Variants in PCDH15 observed in about 807,000 individuals in gnomAD.
PCDH15 encodes protocadherin-15.
In PCDH15, 129 loss-of-function variants were observed where a neutral mutation model predicts 178.5. That is an observed-to-expected ratio of 0.72 (90% CI 0.63 to 0.84). PCDH15 has a LOEUF of 0.84. Ranked by LOEUF, PCDH15 falls within the 40% of genes least tolerant of loss-of-function variation. The pLI is 0.00. For missense variants in PCDH15, 2,230 were observed against 2,099.9 expected, an observed-to-expected ratio of 1.06 and a Z score of -1.21; for synonymous variants, 800 against 732.0, an observed-to-expected ratio of 1.09 and a Z score of -1.50.
intron 2 of PCDH15, among the ~76,000 whole-genome samples, chr10:54,627,472 C>T (rs981402249): frequency 6.6e-6 from 1 of 152,148 alleles, no homozygotes; most frequent in Non-Finnish European, 1.5e-5. Flanking sequence ...TTTGCCTGCA[C>T]AAACTCTCTC....
chr10:55,334,009 A>G (rs1432392992), intron 2 of PCDH15, among the ~76,000 whole-genome samples: 2 of 151,528 alleles, frequency 1.3e-5, no homozygotes, highest in African/African-American at 2.4e-5. Context: ...TACATTTTTC[A>G]TACTTTAAAA....
chr10:54,944,714 T>C (rs1293786359), intron 2 of PCDH15, among the ~76,000 whole-genome samples: 1 of 151,930 alleles, frequency 6.6e-6, no homozygotes, highest in Admixed American at 6.6e-5. Flanking sequence ...TTTTATACCA[T>C]CAGGTAAGTA....
Position 55,212,803 on chromosome 10 carries a change from T to G in PCDH15, c.-155-46152A>C, listed in dbSNP as rs1840603345. 2.0e-5 allele frequency among the ~76,000 whole-genome samples: 3 copies of G among 152,084 alleles called. No homozygotes were observed. In the South Asian group the frequency reaches 6.2e-4, roughly 32 times the overall value. ...AATCATAGGCGGGTCTCTACCACAA[T>G]GTACCATCTGAATGTCAGCATTGGC... On this transcript the variant is annotated intron_variant, in intron 1 of 5. Coordinates refer to the PCDH15 transcript ENST00000458638.
chr10:54,265,240 C>T (rs1271943189), intron 8 of PCDH15, among the ~76,000 whole-genome samples: 1 of 152,062 alleles, frequency 6.6e-6, no homozygotes, highest in Non-Finnish European at 1.5e-5. Flanking sequence ...ACCAGACTAG[C>T]CCTGCAGAAA....
intron 17 of PCDH15, among the ~76,000 whole-genome samples, chr10:54,076,785 C>T (rs2094349640): frequency 6.6e-6 from 1 of 152,008 alleles, no homozygotes. Context: ...CTCCATCATC[C>T]CCATTTTGAG....
chr10:53,949,682 C>T (rs1372388926), intron 23 of PCDH15, among the ~76,000 whole-genome samples: 1 of 151,968 alleles, frequency 6.6e-6, no homozygotes, highest in Non-Finnish European at 1.5e-5. Flanking sequence ...TATGACCGAG[C>T]CATTGCACCA....
Position 55,454,465 on chromosome 10 carries a change from A to G in PCDH15, c.-156+173160T>C, listed in dbSNP as rs184817423. On this transcript the variant is annotated intron_variant, in intron 2 of 5. Coordinates refer to the PCDH15 transcript ENST00000613346. ...GTAATTGCCTTTTTGAGTTGTTAGT[A>G]ATATTTCTATCTTAGAAGTTTAGCT... Among the ~76,000 whole-genome samples, 41 of 152,142 alleles carry G rather than the reference A, an allele frequency of 2.7e-4. 1 individual carries two copies. The highest frequency in any genetic ancestry group is 9.6e-4 in the African/African-American group (40 of 41,512).
At chr10:55,381,723 G>A (rs943071164) in intron 2 of PCDH15, among the ~76,000 whole-genome samples, 27 of 152,106 alleles carry the variant, frequency 1.8e-4, no homozygotes, top group African/African-American at 6.3e-4. Flanking sequence ...ATACACAGAA[G>A]CACAGATGGT....
intron 2 of PCDH15, among the ~76,000 whole-genome samples, chr10:55,597,889 T>C (rs1372385130): frequency 6.6e-6 from 1 of 152,034 alleles, no homozygotes; most frequent in East Asian, 1.9e-4. Flanking sequence ...CCCATAAACA[T>C]AGAAGTTTGG....
At chr10:53,865,156 A>G (rs924939101) in intron 27 of PCDH15, among the ~76,000 whole-genome samples, 1 of 152,192 alleles carries the variant, frequency 6.6e-6, no homozygotes, top group African/African-American at 2.4e-5. Context: ...TTGCAGACAT[A>G]ATCAGCATGG....
intron 3 of PCDH15, among the ~76,000 whole-genome samples, chr10:54,880,263 A>G (rs1341630114): frequency 6.6e-6 from 1 of 152,184 alleles, no homozygotes; most frequent in Non-Finnish European, 1.5e-5. Context: ...GATGAGAGCC[A>G]GCTTTAACTT....
At chr10:55,308,636 A>G (rs1025607695) in intron 1 of PCDH15, among the ~76,000 whole-genome samples, 2 of 152,156 alleles carry the variant, frequency 1.3e-5, no homozygotes, top group African/African-American at 4.8e-5. Flanking sequence ...ATATACTTAT[A>G]TCTTAGGTGC....
chr10:53,944,660 T>G (rs956612810), intron 23 of PCDH15, among the ~76,000 whole-genome samples: 1 of 152,194 alleles, frequency 6.6e-6, no homozygotes, highest in African/African-American at 2.4e-5. Flanking sequence ...AACTGCACTC[T>G]TAAAAGAAAC....
chr10:55,126,820 A>G (rs1837911759), intron 2 of PCDH15, among the ~76,000 whole-genome samples: 1 of 152,070 alleles, frequency 6.6e-6, no homozygotes, highest in African/African-American at 2.4e-5. Flanking sequence ...ACTTTGTACA[A>G]CATGACATCC....
chr10:54,088,290 C>A (rs1318495739), intron 16 of PCDH15, among the ~76,000 whole-genome samples: 2 of 152,134 alleles, frequency 1.3e-5, no homozygotes, highest in Non-Finnish European at 2.9e-5. Context: ...AATTGCATTT[C>A]TCTAATGACA....
chr10:54,465,032 A>G (rs2077424335), intron 3 of PCDH15, among the ~76,000 whole-genome samples: 1 of 152,116 alleles, frequency 6.6e-6, no homozygotes, highest in Admixed American at 6.6e-5. Flanking sequence ...TCACACCACT[A>G]CATTTGTCTG....
rs61731389 is a variant in PCDH15 at position 54,132,882 on chromosome 10, T to C, written c.1910A>G (p.Asn637Ser). The C allele has an allele frequency of 0.027, 43,740 of 1,612,316 alleles. 791 individuals carry two copies. The highest frequency in any genetic ancestry group is 0.071 in the Middle Eastern group (433 of 6,060). The change falls in exon 15 of 38, where the codon AAT (asparagine) becomes AGT (serine). Residue 637 changes from asparagine (N) to serine (S), a missense_variant. Asn to Ser is a conservative substitution (Grantham distance 46). Transcript: ENST00000644397. ...ACACACCAAGGAACATACCTGTAGA[T>C]TTAATAAAACAGCACCAACCCTCAT... Reference protein sequence around the residue: ...EAMRVGAVLLNLQATDREGDS... With the variant: ...EAMRVGAVLLSLQATDREGDS...
chr10:55,300,183 T>A (rs190108906), intron 1 of PCDH15, among the ~76,000 whole-genome samples: 1 of 152,286 alleles, frequency 6.6e-6, no homozygotes, highest in East Asian at 1.9e-4. Flanking sequence ...AATATTTTAT[T>A]GTTCTCCACA....
At chr10:54,030,611 A>T (rs1590014463) in intron 18 of PCDH15, among the ~76,000 whole-genome samples, 1 of 152,076 alleles carries the variant, frequency 6.6e-6, no homozygotes, top group South Asian at 2.1e-4. Context: ...TCTAGTCCCT[A>T]GAAATCTAGT....
Sources: allele counts gnomAD v4.1 joint callset (sites outside exome capture counted in the v4.1 genomes callset), GRCh38; gene constraint gnomAD v4.1.1; transcripts MANE v1.5; gene names NCBI Gene and HGNC (gene_info 2026-07-23, HGNC 2026-07-21).